Variants in ESR1 observed in about 807,000 individuals in gnomAD.
ESR1 encodes estrogen receptor.
Under a neutral mutation model 52.7 loss-of-function variants are expected in ESR1, and 12 were observed. The observed-to-expected ratio is 0.23, with a 90% confidence interval of 0.15 to 0.37. The LOEUF is 0.37. Ranked by LOEUF, ESR1 falls within the 10% of genes least tolerant of loss-of-function variation. The probability of loss-of-function intolerance (pLI) is 1.00; values close to 1 mark genes in which losing one functional copy is unlikely to be tolerated. For missense variants in ESR1, 584 were observed against 779.7 expected, an observed-to-expected ratio of 0.75 and a Z score of 2.99; for synonymous variants, 305 against 316.8, an observed-to-expected ratio of 0.96 and a Z score of 0.39.
chr6:151,748,237 A>T (rs1783627288), intron 2 of ESR1, among the ~76,000 whole-genome samples: 1 of 152,226 alleles, frequency 6.6e-6, no homozygotes, highest in South Asian at 2.1e-4. Context: ...AGTATTCTTC[A>T]GGCCCAGACA....
chr6:151,882,087 G>A (rs1047700251), intron 3 of ESR1, among the ~76,000 whole-genome samples: 15 of 152,066 alleles, frequency 9.9e-5, no homozygotes, highest in African/African-American at 3.6e-4. Context: ...CAATGAAAAG[G>A]AATAGTGATT....
chr6:151,806,156 C>T (rs931746977), upstream of ESR1, among the ~76,000 whole-genome samples: 5 of 152,186 alleles, frequency 3.3e-5, no homozygotes, highest in Admixed American at 6.5e-5. Flanking sequence ...GAAATATCTG[C>T]GATGCACCTA....
At chr6:151,713,652 G>A (rs1429947725) in intron 2 of ESR1, among the ~76,000 whole-genome samples, 1 of 152,102 alleles carries the variant, frequency 6.6e-6, no homozygotes, top group Non-Finnish European at 1.5e-5. Flanking sequence ...TTCTCTGATG[G>A]TAGTTTGTAT....
rs548601268 is a variant in ESR1 at position 151,708,943 on chromosome 6, G to A, written c.-71+6938G>A. 8.5e-5 allele frequency among the ~76,000 whole-genome samples: 13 copies of A among 152,192 alleles called. No homozygotes were observed. The South Asian group carries it at 2.1e-3, about 24-fold the overall frequency. On this transcript the variant is annotated intron_variant, in intron 2 of 2. Coordinates refer to the ESR1 transcript ENST00000404742. ...CTAAATATAGCTAATTAACATGTGC[G>A]TTACCTCATGAAGTTATCATTTTTG...
At chr6:151,683,152 T>C (rs886349228) in intron 1 of ESR1, among the ~76,000 whole-genome samples, 2 of 152,226 alleles carry the variant, frequency 1.3e-5, no homozygotes, top group African/African-American at 4.8e-5. Flanking sequence ...TTTTGTTCTT[T>C]GTTTTCTATG....
rs1425568721 is a variant in ESR1, at chr6:151,750,438, G to A, written c.-71+48433G>A. ...GGGCAAGGGGGAAAAGTGGCATTTG[G>A]TTCCTCAGTCCCAGATTTGGGTCAA... is the stretch of plus-strand genomic sequence containing the variant. On this transcript the variant is annotated intron_variant, in intron 2 of 2. Coordinates refer to the ESR1 transcript ENST00000404742. Among the ~76,000 whole-genome samples, 3 of 152,216 alleles carry A rather than the reference G, an allele frequency of 2.0e-5. No individual in the cohort carries two copies. The East Asian group carries it at 5.8e-4, about 29-fold the overall frequency.
intron 6 of ESR1, among the ~76,000 whole-genome samples, chr6:152,083,984 G>A (rs2049462570): frequency 6.6e-6 from 1 of 152,148 alleles, no homozygotes; most frequent in Non-Finnish European, 1.5e-5. Context: ...TATGTTTATT[G>A]CAGCACTATT....
chr6:151,981,840 G>C (rs1352579156), intron 4 of ESR1, among the ~76,000 whole-genome samples: 2 of 152,142 alleles, frequency 1.3e-5, no homozygotes, highest in Non-Finnish European at 2.9e-5. Context: ...TTGTCTGTCT[G>C]TCATTAGGCT....
intron 5 of ESR1, among the ~76,000 whole-genome samples, chr6:152,043,392 C>T (rs993718054): frequency 6.6e-6 from 1 of 152,290 alleles, no homozygotes; most frequent in East Asian, 1.9e-4. Context: ...ATATCCATTC[C>T]CATGCCTGTT....
At chr6:152,049,726 C>T (rs2046523224) in intron 5 of ESR1, among the ~76,000 whole-genome samples, 1 of 152,188 alleles carries the variant, frequency 6.6e-6, no homozygotes, top group South Asian at 2.1e-4. Flanking sequence ...TGAGGTTCCT[C>T]TTGGCTCTGT....
At chr6:151,995,932 G>A (rs2041440208) in intron 4 of ESR1, among the ~76,000 whole-genome samples, 1 of 152,160 alleles carries the variant, frequency 6.6e-6, no homozygotes, top group African/African-American at 2.4e-5. Context: ...CTGAGGCCTG[G>A]AGAAGTTACA....
chr6:151,804,692 C>G (rs143476376), upstream of ESR1: 4 of 152,292 alleles, frequency 2.6e-5, no homozygotes, highest in Middle Eastern at 3.4e-3. Flanking sequence ...TCATAAATCT[C>G]TCAGTAACTG....
intron 2 of ESR1, among the ~76,000 whole-genome samples, chr6:151,755,680 GA>G (rs1369188402): frequency 1.3e-5 from 2 of 151,702 alleles, no homozygotes; most frequent in African/African-American, 4.8e-5. Context: ...ATCCAGCCTG[GA>G]GAGCAGTGGC....
intron 3 of ESR1, among the ~76,000 whole-genome samples, chr6:151,882,270 G>A (rs1441274155): frequency 6.6e-6 from 1 of 152,176 alleles, no homozygotes; most frequent in East Asian, 1.9e-4. Context: ...TTGAGGTTTG[G>A]AATGCAGCAT....
intron 5 of ESR1, among the ~76,000 whole-genome samples, chr6:152,030,436 G>A (rs1180387985): frequency 3.9e-5 from 6 of 152,066 alleles, no homozygotes; most frequent in Non-Finnish European, 7.3e-5. Flanking sequence ...TAAAGGGATG[G>A]AGGAAAATCT....
intron 4 of ESR1, among the ~76,000 whole-genome samples, chr6:151,970,001 G>T (rs2038737693): frequency 6.6e-6 from 1 of 151,810 alleles, no homozygotes; most frequent in South Asian, 2.1e-4. Context: ...TTCATTCCCA[G>T]CTGTTCTTGA....
upstream of ESR1, among the ~76,000 whole-genome samples, chr6:151,802,581 T>C (rs17828760): frequency 2.0e-4 from 30 of 152,222 alleles, no homozygotes; most frequent in African/African-American, 7.2e-4. Flanking sequence ...CAGAGCTCTC[T>C]TGTGAATCAT....
chr6:151,980,284 A>G (rs2039868820), intron 4 of ESR1, among the ~76,000 whole-genome samples: 1 of 152,166 alleles, frequency 6.6e-6, no homozygotes, highest in Admixed American at 6.5e-5. Flanking sequence ...ACACTCCTAC[A>G]CACCAGTTAA....
At chr6:151,899,537 A>T (rs1265538896) in intron 3 of ESR1, among the ~76,000 whole-genome samples, 1 of 111,930 alleles carries the variant, frequency 8.9e-6, no homozygotes, top group South Asian at 3.2e-4. Context: ...TGACCCCCCC[A>T]CCTCCCTCCC....
Sources: allele counts gnomAD v4.1 joint callset (sites outside exome capture counted in the v4.1 genomes callset), GRCh38; gene constraint gnomAD v4.1.1; transcripts MANE v1.5; gene names NCBI Gene and HGNC (gene_info 2026-07-23, HGNC 2026-07-21).